The following HDAC9 variants were observed in gnomAD, a reference collection of about 807,000 sequenced individuals.
HDAC9 encodes the protein MEF-2 interacting transcription repressor (MITR) protein.
HDAC9 carries 41 observed loss-of-function variants against 139.4 expected under a neutral mutation model. That is an observed-to-expected ratio of 0.29 (90% CI 0.23 to 0.38). The LOEUF (loss-of-function observed/expected upper bound fraction) is 0.38. Among genes scored for constraint, HDAC9 ranks in the 10% least tolerant of loss-of-function variants. The probability of loss-of-function intolerance (pLI) is 1.00; values close to 1 mark genes in which losing one functional copy is unlikely to be tolerated. For missense variants in HDAC9, 1,147 were observed against 1,297.0 expected (o/e 0.88, Z 1.78); for synonymous variants, 517 against 476.2 (o/e 1.09, Z -1.12).
intron 22 of HDAC9, among the ~76,000 whole-genome samples, chr7:18,875,484 A>C (rs564188437): frequency 6.6e-6 from 1 of 152,286 alleles, no homozygotes; most frequent in South Asian, 2.1e-4. Flanking sequence ...GAATCAAAGA[A>C]ATAGCGTCAT....
intron 1 of HDAC9, among the ~76,000 whole-genome samples, chr7:18,128,904 C>T (rs1584215281): frequency 6.6e-6 from 1 of 151,770 alleles, no homozygotes; most frequent in South Asian, 2.1e-4. Flanking sequence ...TTCTTCCTTT[C>T]TTGCCACTCT....
chr7:18,180,178 A>G (rs1178342), intron 2 of HDAC9, among the ~76,000 whole-genome samples: 1 of 150,466 alleles, frequency 6.6e-6, no homozygotes, highest in Non-Finnish European at 1.5e-5. Flanking sequence ...GTGTTTTTAC[A>G]CTGTTTGTCA....
Position 18,176,780 on chromosome 7 carries a change from T to C in HDAC9, c.25+14431T>C, listed in dbSNP as rs115712184. On this transcript the variant is annotated intron_variant, in intron 2 of 12. Coordinates refer to the HDAC9 transcript ENST00000417496. ...AATTTTTATGTTATTTTTTAATGCA[T>C]TTTTATCCTTTTGTCTGTATTATTG... 6.8e-3 allele frequency among the ~76,000 whole-genome samples: 1,035 copies of C among 152,310 alleles called. 13 individuals carry two copies. Among genetic ancestry groups the C allele is most frequent in the African/African-American group, 0.024 (1,003 of 41,566 alleles).
chr7:18,441,918 C>T (rs140440438), intron 1 of HDAC9, among the ~76,000 whole-genome samples: 1 of 152,106 alleles, frequency 6.6e-6, no homozygotes, highest in Non-Finnish European at 1.5e-5. Flanking sequence ...CGGGCGCCCG[C>T]TACCACGCCC....
rs1267284430 is a variant in HDAC9, at chr7:18,427,691, TTTC to T, written c.-41-68562_-41-68560del. Among the ~76,000 whole-genome samples the T allele has an allele frequency of 5.7e-4, 87 of 151,422 alleles. 1 individual carries two copies. The highest frequency in any genetic ancestry group is 1.7e-3 in the African/African-American group (71 of 41,356). Reference sequence around the variant, plus strand: ...CATCGCCCACCCTGGACACAGTTTCTTTCTTCTTCTTTTTTTTTTTTTAAATAT... The same window carrying T: ...CATCGCCCACCCTGGACACAGTTTCTTTCTTCTTTTTTTTTTTTTAAATAT... On this transcript the variant is annotated intron_variant, in intron 1 of 3. Coordinates refer to the HDAC9 transcript ENST00000413509.
At chr7:18,421,196 A>C (rs541232275) in intron 1 of HDAC9, among the ~76,000 whole-genome samples, 2 of 152,318 alleles carry the variant, frequency 1.3e-5, no homozygotes, top group East Asian at 3.9e-4. Flanking sequence ...GTTTTCAAGA[A>C]ATTATTTCAT....
At chr7:18,731,357 C>G (rs772453284) in intron 13 of HDAC9, among the ~76,000 whole-genome samples, 3 of 152,192 alleles carry the variant, frequency 2.0e-5, no homozygotes, top group Non-Finnish European at 4.4e-5. Context: ...TGGCTTAAAT[C>G]TATCCTCTAA....
intron 21 of HDAC9, among the ~76,000 whole-genome samples, chr7:18,862,306 A>G (rs1798169453): frequency 6.6e-6 from 1 of 152,208 alleles, no homozygotes; most frequent in Non-Finnish European, 1.5e-5. Flanking sequence ...CCTTTGGTGT[A>G]TTAGATCTGG....
chr7:18,933,642 A>C (rs1035124876), intron 22 of HDAC9, among the ~76,000 whole-genome samples: 7 of 41,742 alleles, frequency 1.7e-4, no homozygotes, highest in Admixed American at 1.3e-3. Context: ...AATTAATAAA[A>C]GTTTTTAAAA....
At chr7:18,339,666 G>A (rs997687401) in intron 1 of HDAC9, among the ~76,000 whole-genome samples, 1 of 151,180 alleles carries the variant, frequency 6.6e-6, no homozygotes, top group Admixed American at 6.6e-5. Flanking sequence ...TAGAAATGCT[G>A]TATTTATTTT....
intron 24 of HDAC9, among the ~76,000 whole-genome samples, chr7:18,954,678 A>G (rs1431608617): frequency 1.3e-5 from 2 of 152,102 alleles, no homozygotes; most frequent in Admixed American, 1.3e-4. Flanking sequence ...AAGCAGGGTT[A>G]AGTCATAGAC....
intron 1 of HDAC9, among the ~76,000 whole-genome samples, chr7:18,098,148 T>A (rs1478409103): frequency 2.6e-5 from 4 of 152,240 alleles, no homozygotes; most frequent in Admixed American, 6.5e-5. Flanking sequence ...CAAGTTTCAC[T>A]GCTGTTGCCA....
chr7:18,766,079 T>C (rs185941453), intron 15 of HDAC9, among the ~76,000 whole-genome samples: 1 of 152,348 alleles, frequency 6.6e-6, no homozygotes, highest in Admixed American at 6.5e-5. Context: ...GTATGAATTC[T>C]ACTATAAACC....
chr7:18,703,988 C>T (rs1239530191), intron 12 of HDAC9, among the ~76,000 whole-genome samples: 1 of 152,176 alleles, frequency 6.6e-6, no homozygotes, highest in East Asian at 1.9e-4. Flanking sequence ...AATGTGGCAT[C>T]TCTGCCATTC....
At chr7:18,794,647 T>A (rs191807962) in intron 17 of HDAC9, among the ~76,000 whole-genome samples, 1 of 152,234 alleles carries the variant, frequency 6.6e-6, no homozygotes, top group East Asian at 1.9e-4. Context: ...AATGAGCAAA[T>A]AAAAAGAGGA....
In HDAC9 at chr7:18,583,549, C is replaced by T. The variant is rs188571486; in HGVS notation, c.23-1732C>T. On this transcript the variant is annotated intron_variant, in intron 2 of 25. Coordinates refer to ENST00000686413, the MANE Select transcript of HDAC9 (RefSeq NM_178425.4). ...GCCTTCGCGACATAGCAAGATAATA[C>T]CCCAGCTCCCACTGCCCTGACCCCA... is the stretch of plus-strand genomic sequence containing the variant. 1.3e-3 allele frequency among the ~76,000 whole-genome samples: 194 copies of T among 151,384 alleles called. 1 individual carries two copies. The highest frequency in any genetic ancestry group is 6.8e-3 in the Middle Eastern group (2 of 294).
At chr7:18,990,986 T>A (rs1044198393) in intron 25 of HDAC9, among the ~76,000 whole-genome samples, 1 of 152,222 alleles carries the variant, frequency 6.6e-6, no homozygotes, top group Non-Finnish European at 1.5e-5. Context: ...CAGATGGAAA[T>A]GCAGAAATCA....
intron 2 of HDAC9, among the ~76,000 whole-genome samples, chr7:18,261,335 CAT>C (rs1324138590): frequency 6.6e-6 from 1 of 152,052 alleles, no homozygotes; most frequent in Non-Finnish European, 1.5e-5. Context: ...TAAAATAAAA[CAT>C]AGTTGTTTCT....
rs888856686 is a variant in HDAC9 at position 18,255,224 on chromosome 7, C to T, written c.25+92875C>T. Among the ~76,000 whole-genome samples, 8 of 152,226 alleles carry T rather than the reference C, an allele frequency of 5.3e-5. No individual in the cohort carries two copies. The East Asian group carries it at 1.2e-3, about 22-fold the overall frequency. On this transcript the variant is annotated intron_variant, in intron 2 of 12. Coordinates refer to the HDAC9 transcript ENST00000417496. ...TTCCAGCACAGAGCTAAACACATAG[C>T]TGATATTCATACACAAGAAAAATAA... is the stretch of plus-strand genomic sequence containing the variant.
Sources: gnomAD v4.1 joint callset for allele counts (sites outside exome capture counted in the v4.1 genomes callset) on GRCh38, gnomAD v4.1.1 for gene constraint, MANE v1.5 for transcripts, NCBI Gene and HGNC (gene_info 2026-07-23, HGNC 2026-07-21) for gene names.